The following SPAG16 variants were observed in gnomAD, a reference collection of about 807,000 sequenced individuals.
SPAG16 encodes the protein sperm associated antigen 16.
SPAG16 carries 86 observed loss-of-function variants against 80.4 expected under a neutral mutation model. That is an observed-to-expected ratio of 1.07 (90% CI 0.90 to 1.28). The LOEUF is 1.28. SPAG16 is among the 50% of genes most tolerant of loss of function. The pLI is 0.00. For missense variants in SPAG16, 870 were observed against 765.3 expected (o/e 1.14, Z -1.61); for synonymous variants, 294 against 265.9 (o/e 1.11, Z -1.03).
In SPAG16 at chr2:213,795,943, A is replaced by C. The variant is rs1010676259; in HGVS notation, c.1071-66542A>C. Among the ~76,000 whole-genome samples, 9 of 152,248 alleles carry C rather than the reference A, an allele frequency of 5.9e-5. No homozygotes were observed. The South Asian group carries it at 1.9e-3, about 32-fold the overall frequency. On this transcript the variant is annotated intron_variant, in intron 10 of 15. Transcript: ENST00000331683. The stretch of plus-strand genomic sequence containing the variant: ...TATTCATTATAAATTACCCAGCCTC[A>C]AGTGTTTCTTTATAGCAGTGAAAGA...
intron 15 of SPAG16, among the ~76,000 whole-genome samples, chr2:214,226,074 C>A (rs1319818954): frequency 6.6e-6 from 1 of 152,072 alleles, no homozygotes. Context: ...TTTTCATTTG[C>A]AAATTACTGC....
chr2:213,860,597 A>G (rs1331006901), intron 10 of SPAG16, among the ~76,000 whole-genome samples: 1 of 151,784 alleles, frequency 6.6e-6, no homozygotes, highest in African/African-American at 2.4e-5. Flanking sequence ...TAGGAGTCCA[A>G]GTTGTTTAAG....
chr2:214,269,629 T>C (rs1295816798), intron 15 of SPAG16, among the ~76,000 whole-genome samples: 1 of 152,124 alleles, frequency 6.6e-6, no homozygotes, highest in African/African-American at 2.4e-5. Context: ...TGTAATGCCA[T>C]AAGAATTATA....
At chr2:214,102,392 T>C (rs10490496) in intron 13 of SPAG16, among the ~76,000 whole-genome samples, 1 of 151,968 alleles carries the variant, frequency 6.6e-6, no homozygotes, top group Non-Finnish European at 1.5e-5. Flanking sequence ...GTGAATATAA[T>C]TGAACCCTGA....
chr2:213,414,620 A>G (rs995118636), intron 9 of SPAG16, among the ~76,000 whole-genome samples: 3 of 152,224 alleles, frequency 2.0e-5, no homozygotes, highest in African/African-American at 4.8e-5. Flanking sequence ...AATGTAACAT[A>G]AAAGTGATTT....
chr2:213,888,370 T>C (rs1405888793), intron 11 of SPAG16, among the ~76,000 whole-genome samples: 2 of 151,874 alleles, frequency 1.3e-5, no homozygotes, highest in Non-Finnish European at 2.9e-5. Flanking sequence ...TATATGGTTT[T>C]GAGAAAAGTT....
chr2:213,784,734 A>C (rs1175438725), intron 10 of SPAG16, among the ~76,000 whole-genome samples: 2 of 151,542 alleles, frequency 1.3e-5, no homozygotes, highest in Non-Finnish European at 2.9e-5. Context: ...AAAGAGAAGC[A>C]CATGTCCTAA....
intron 10 of SPAG16, among the ~76,000 whole-genome samples, chr2:213,803,236 G>T (rs1367760904): frequency 1.3e-5 from 2 of 152,178 alleles, no homozygotes; most frequent in Non-Finnish European, 2.9e-5. Context: ...CAAGATGACA[G>T]ATTGGACATA....
intron 15 of SPAG16, among the ~76,000 whole-genome samples, chr2:214,201,380 T>A (rs1285466717): frequency 6.6e-6 from 1 of 152,208 alleles, no homozygotes; most frequent in African/African-American, 2.4e-5. Flanking sequence ...TTTCCTGCCC[T>A]TGAATACATG....
intron 10 of SPAG16, among the ~76,000 whole-genome samples, chr2:213,579,944 A>G (rs2060248668): frequency 6.6e-6 from 1 of 152,148 alleles, no homozygotes; most frequent in Admixed American, 6.6e-5. Context: ...GGAGATTAAC[A>G]TTGTTTATCT....
At position 213,820,172 on chromosome 2, in the gene SPAG16, T is replaced by C. The variant is rs573772358; in HGVS notation, c.1071-42313T>C. ...TCATTGCAGCTTCAACTTCCTGGGA[T>C]CCAGGGACCTCCTACTTCCAGCCTC... On this transcript the variant is annotated intron_variant, in intron 10 of 15. Transcript: ENST00000331683. Among the ~76,000 whole-genome samples the C allele has an allele frequency of 1.2e-4, 18 of 152,154 alleles. No homozygotes were observed. In the East Asian group the frequency reaches 3.5e-3, roughly 29 times the overall value.
At chr2:213,901,039 G>A (rs2077200532) in intron 11 of SPAG16, among the ~76,000 whole-genome samples, 1 of 152,090 alleles carries the variant, frequency 6.6e-6, no homozygotes. Context: ...AAGAAATTTA[G>A]AAGGCTTGAT....
intron 13 of SPAG16, among the ~76,000 whole-genome samples, chr2:214,053,396 T>A (rs1040055360): frequency 2.0e-5 from 3 of 152,196 alleles, no homozygotes; most frequent in Non-Finnish European, 4.4e-5. Context: ...GTTTTTTAGA[T>A]GAGAATGGGT....
chr2:213,979,736 C>T (rs752471495), intron 12 of SPAG16, among the ~76,000 whole-genome samples: 12 of 152,072 alleles, frequency 7.9e-5, no homozygotes, highest in Non-Finnish European at 1.3e-4. Context: ...AGACCTGAAC[C>T]ATATCGCCAC....
chr2:214,324,408 T>G (rs1024573151), intron 15 of SPAG16, among the ~76,000 whole-genome samples: 1 of 152,196 alleles, frequency 6.6e-6, no homozygotes, highest in Admixed American at 6.5e-5. Flanking sequence ...GGAACTTCTG[T>G]TTTCAAACCA....
At chr2:214,253,342 C>T (rs1000549622) in intron 15 of SPAG16, among the ~76,000 whole-genome samples, 11 of 151,950 alleles carry the variant, frequency 7.2e-5, no homozygotes, top group African/African-American at 1.9e-4. Context: ...CTTTTGTTGC[C>T]ATTGCTTTTG....
intron 13 of SPAG16, among the ~76,000 whole-genome samples, chr2:214,021,995 C>T (rs777811726): frequency 6.6e-6 from 1 of 152,120 alleles, no homozygotes; most frequent in Non-Finnish European, 1.5e-5. Context: ...AGGTTCACTT[C>T]ACCTTCCCTC....
chr2:213,896,082 G>C (rs1053318733), intron 11 of SPAG16, among the ~76,000 whole-genome samples: 1 of 151,902 alleles, frequency 6.6e-6, no homozygotes, highest in Non-Finnish European at 1.5e-5. Flanking sequence ...AATATATAAG[G>C]AGCTCAAACA....
intron 10 of SPAG16, among the ~76,000 whole-genome samples, chr2:213,811,457 G>A (rs916181360): frequency 1.3e-5 from 2 of 152,074 alleles, no homozygotes; most frequent in Admixed American, 6.6e-5. Context: ...CACCTAATAT[G>A]GAAGACTGGT....
Sources: gnomAD v4.1 joint callset for allele counts (sites outside exome capture counted in the v4.1 genomes callset) on GRCh38, gnomAD v4.1.1 for gene constraint, MANE v1.5 for transcripts, NCBI Gene and HGNC (gene_info 2026-07-23, HGNC 2026-07-21) for gene names.